Variants in UNC80 observed in about 807,000 individuals in gnomAD.
The protein encoded by UNC80 is unc-80 subunit of NALCN channel complex, also known as protein unc-80 homolog.
UNC80 carries 164 observed loss-of-function variants against 384.6 expected under a neutral mutation model. The observed-to-expected ratio is 0.43, with a 90% confidence interval of 0.38 to 0.49. The LOEUF is 0.49. UNC80 is among the 20% of genes least tolerant of loss of function. The probability of loss-of-function intolerance (pLI) is 0.00; values close to 1 mark genes in which losing one functional copy is unlikely to be tolerated. For missense variants in UNC80, 3,330 were observed against 4,143.0 expected, an observed-to-expected ratio of 0.80 and a Z score of 5.39; for synonymous variants, 1,486 against 1,527.8, an observed-to-expected ratio of 0.97 and a Z score of 0.64.
chr2:209,840,567 C>G lies in UNC80; in HGVS notation c.3276C>G (p.Leu1092=). Reference sequence around the variant, plus strand: ...GGAACTGGCTGAAGAGATCATCCCTCTCAGGCCTGGCAGATGGTGTGGAGG... The same window carrying G: ...GGAACTGGCTGAAGAGATCATCCCTGTCAGGCCTGGCAGATGGTGTGGAGG... ...PIGNWLKRSS[L]SGLADGVEDL... Residue 1092 remains leucine (L), a synonymous_variant, in exon 20 of 65, where the codon CTC becomes CTG. Transcript: ENST00000673920. 6.4e-7 allele frequency: 1 copy of G among 1,551,840 alleles called. No individual in the cohort carries two copies. Among genetic ancestry groups the G allele is most frequent in the Non-Finnish European group, 8.7e-7 (1 of 1,146,992 alleles).
Position 209,817,798 on chromosome 2 carries a change from C to T in UNC80, c.1553-14C>T. 2 of 1,551,488 alleles carry T rather than the reference C, an allele frequency of 1.3e-6. No individual in the cohort carries two copies. Among genetic ancestry groups the T allele is most frequent in the Non-Finnish European group, 1.7e-6 (2 of 1,146,906 alleles). ...TTTTAAAACCCTCTTGTGGGGTGCT[C>T]TTATTCATCCCAGGGAAATTGACCC... On this transcript the variant is annotated splice_polypyrimidine_tract_variant and intron_variant, in intron 10 of 64. Transcript: ENST00000673920.
intron 51 of UNC80, among the ~76,000 whole-genome samples, chr2:209,962,845 T>C (rs531851936): frequency 1.3e-5 from 2 of 152,314 alleles, no homozygotes; most frequent in South Asian, 2.1e-4. Context: ...CTTGAATATG[T>C]GTAAAAGTTG....
rs1262384788 is a variant in UNC80, at chr2:209,967,038, AAGTT to A, written c.7806-394_7806-391del. On this transcript the variant is annotated intron_variant, in intron 51 of 64. Coordinates refer to ENST00000673920, the MANE Select transcript of UNC80 (RefSeq NM_001371986.1). Reference sequence around the variant, plus strand: ...ATATTAGTAATTTTATTGTTCATTAAAGTTAGTTCTCTTTTATATGCATATATGT... The same window carrying A: ...ATATTAGTAATTTTATTGTTCATTAAAGTTCTCTTTTATATGCATATATGT... Among the ~76,000 whole-genome samples the A allele has an allele frequency of 7.3e-5, 11 of 151,694 alleles. No individual in the cohort carries two copies. The East Asian group carries it at 1.7e-3, about 24-fold the overall frequency.
Position 209,777,249 on chromosome 2 carries a change from C to A in UNC80, c.299-9C>A. On this transcript the variant is annotated splice_polypyrimidine_tract_variant and intron_variant, in intron 3 of 64. Coordinates refer to ENST00000673920, the MANE Select transcript of UNC80 (RefSeq NM_001371986.1). ...TTTCTTAACCTGCCTGTGTAATTGT[C>A]CCATGCAGGCCACCAGGATAAATTG... 2.5e-6 allele frequency: 4 copies of A among 1,570,828 alleles called. No homozygotes were observed. The highest frequency in any genetic ancestry group is 3.4e-6 in the Non-Finnish European group (4 of 1,161,330).
Position 209,814,864 on chromosome 2 carries a change from A to G in UNC80, c.1201-393A>G, listed in dbSNP as rs527775920. On this transcript the variant is annotated intron_variant, in intron 8 of 64. Transcript: ENST00000673920. ...TATTCTGAAAACAAACATGAGCAAT[A>G]GCAGAGTTAAAAGGAAATATAATCT... is the stretch of plus-strand genomic sequence containing the variant. Among the ~76,000 whole-genome samples, 4 of 152,310 alleles carry G rather than the reference A, an allele frequency of 2.6e-5. No individual in the cohort carries two copies. The South Asian group carries it at 8.3e-4, about 32-fold the overall frequency.
intron 36 of UNC80, among the ~76,000 whole-genome samples, 171 bp downstream of exon 36, chr2:209,927,157 ACCT>A (rs1476401633): frequency 6.6e-6 from 1 of 152,008 alleles, no homozygotes; most frequent in African/African-American, 2.4e-5. Context: ...CACTCTCTCC[ACCT>A]CCTTCTCCCT....
At chr2:209,978,453 A>G in intron 58 of UNC80, 76 bp from the exon 59 acceptor site, 1 of 1,259,370 alleles carries the variant, frequency 7.9e-7, no homozygotes, top group Non-Finnish European at 1.1e-6. Context: ...AAAAAATACA[A>G]GTGGTCAGGG....
At chr2:209,862,649 C>CTTTTTGTTTTTTTTTTT (rs2083427847) in intron 22 of UNC80, among the ~76,000 whole-genome samples, 1 of 78,824 alleles carries the variant, frequency 1.3e-5, no homozygotes, top group Non-Finnish European at 2.4e-5. Flanking sequence ...GCAACCTCTG[C>CTTTTTGTTTTTTTTTTT]TTTTTTTTTT....
chr2:209,868,754 G>A (rs2084045561), intron 22 of UNC80, among the ~76,000 whole-genome samples: 1 of 152,184 alleles, frequency 6.6e-6, no homozygotes, highest in Non-Finnish European at 1.5e-5. Context: ...CCCATGCAGA[G>A]AACACCTCAT....
intron 7 of UNC80, among the ~76,000 whole-genome samples, chr2:209,806,613 G>C (rs890584976): frequency 6.6e-6 from 1 of 152,146 alleles, no homozygotes; most frequent in African/African-American, 2.4e-5. Flanking sequence ...GTCTTTATTG[G>C]AAGAGCTCAT....
At chr2:209,953,364 G>A (rs1457575056) in intron 47 of UNC80, among the ~76,000 whole-genome samples, 4 of 125,840 alleles carry the variant, frequency 3.2e-5, no homozygotes, top group East Asian at 4.8e-4. Flanking sequence ...GTAGTGAGCC[G>A]AAATCATGCC....
chr2:209,942,031 G>A (rs2124979944), intron 44 of UNC80, among the ~76,000 whole-genome samples: 1 of 152,264 alleles, frequency 6.6e-6, no homozygotes, highest in South Asian at 2.1e-4. Flanking sequence ...CCTTCAAATG[G>A]TTTTGATGCC....
intron 47 of UNC80, among the ~76,000 whole-genome samples, chr2:209,949,570 TG>T (rs1285809517): frequency 6.6e-6 from 1 of 151,720 alleles, no homozygotes; most frequent in Non-Finnish European, 1.5e-5. Flanking sequence ...CTCTGCCTCC[TG>T]GGTTCAAGCA....
rs191493941 is a variant in UNC80, at chr2:209,910,080, G to T, written c.4783-2480G>T. On this transcript the variant is annotated intron_variant, in intron 29 of 64. Transcript: ENST00000673920. ...TGGTTGAAATTACACATCAAGCAGG[G>T]AACTGTAGAGAAACTCAAGACTAGT... is the stretch of plus-strand genomic sequence containing the variant. Among the ~76,000 whole-genome samples, 34 of 151,284 alleles carry T rather than the reference G, an allele frequency of 2.2e-4. No homozygotes were observed. The East Asian group carries it at 6.5e-3, about 29-fold the overall frequency.
chr2:209,945,344 T>C (rs2091862947), intron 46 of UNC80, among the ~76,000 whole-genome samples, 155 bp downstream of exon 46: 1 of 152,208 alleles, frequency 6.6e-6, no homozygotes, highest in Non-Finnish European at 1.5e-5. Context: ...AGAAATTGAA[T>C]GAGTACATTT....
intron 28 of UNC80, among the ~76,000 whole-genome samples, chr2:209,897,315 C>G (rs2086896333): frequency 1.3e-5 from 2 of 152,190 alleles, no homozygotes; most frequent in African/African-American, 4.8e-5. Flanking sequence ...CCTAAGAAAT[C>G]CTACGCAGGT....
Position 209,842,383 on chromosome 2 carries a change from GGTGGGCCAGGAA to G in UNC80, c.3396_3407del (p.Pro1133_Gly1136del). ...CACTAGTGCTGTGAAGCTTTCTGAA[GGTGGGCCAGGAA>G]GTGGCATGGAAAATGGAAGAGATGA... On this transcript the variant is annotated inframe_deletion, in exon 21 of 65. Coordinates refer to ENST00000673920, the MANE Select transcript of UNC80 (RefSeq NM_001371986.1). The G allele has an allele frequency of 6.4e-7, 1 of 1,550,912 alleles. No homozygotes were observed. The highest frequency in any genetic ancestry group is 8.7e-7 in the Non-Finnish European group (1 of 1,146,656).
chr2:209,947,799 T>A (rs2091979562), intron 47 of UNC80, among the ~76,000 whole-genome samples: 1 of 152,208 alleles, frequency 6.6e-6, no homozygotes, highest in Non-Finnish European at 1.5e-5. Flanking sequence ...GTTCCATGAA[T>A]GTTCATAATG....
At chr2:209,838,269 C>T (rs1168348757) in intron 18 of UNC80, among the ~76,000 whole-genome samples, 1 of 148,326 alleles carries the variant, frequency 6.7e-6, no homozygotes, top group Non-Finnish European at 1.5e-5. Flanking sequence ...CCCCCCACCC[C>T]GCACCCCTCA....
Sources: gnomAD v4.1 joint callset for allele counts (sites outside exome capture counted in the v4.1 genomes callset) on GRCh38, gnomAD v4.1.1 for gene constraint, MANE v1.5 for transcripts, NCBI Gene and HGNC (gene_info 2026-07-23, HGNC 2026-07-21) for gene names.